Variants in CPLX3 observed in about 807,000 individuals in gnomAD.
The protein encoded by CPLX3 is complexin-3.
Under a neutral mutation model 17.2 loss-of-function variants are expected in CPLX3, and 12 were observed. The observed-to-expected ratio is 0.70, with a 90% CI of 0.45 to 1.13. The LOEUF is 1.13. CPLX3 is among the 50% of genes most tolerant of loss of function. The probability of loss-of-function intolerance (pLI) is 0.00; values close to 1 mark genes in which losing one functional copy is unlikely to be tolerated. For missense variants in CPLX3, 172 were observed against 203.2 expected, an observed-to-expected ratio of 0.85 and a Z score of 0.93; for synonymous variants, 75 against 79.4, an observed-to-expected ratio of 0.94 and a Z score of 0.29.
rs1465998989 is a variant in CPLX3 at position 74,826,825 on chromosome 15, G to A, written c.122G>A (p.Arg41Gln). The A allele has an allele frequency of 1.9e-6, 3 of 1,604,804 alleles. No homozygotes were observed. The highest frequency in any genetic ancestry group is 1.1e-5 in the South Asian group (1 of 90,378). The stretch of plus-strand genomic sequence containing the variant: ...GCAGCCGAAGCTCAGGGCATGAGCC[G>A]GGAGGAGTACGAGGAGTATCAGAAG... ...KSAAEAQGMS[R>Q]EEYEEYQKQL... The change falls in exon 1 of 3, where the codon CGG (arginine) becomes CAG (glutamine). Residue 41 changes from arginine (R) to glutamine (Q), a missense_variant. Arg to Gln is a conservative substitution (Grantham distance 43, BLOSUM62 1). Coordinates refer to ENST00000395018, the MANE Select transcript of CPLX3 (RefSeq NM_001030005.3). This position sits in a 1 kb window ranked among gnomAD's most constrained non-coding sequence, Gnocchi z 5.0.
rs146331818 is a variant in CPLX3, at chr15:74,829,168, C to T, written c.253-962C>T. 1.4e-3 allele frequency among the ~76,000 whole-genome samples: 212 copies of T among 152,274 alleles called. 1 individual carries two copies. The highest frequency in any genetic ancestry group is 4.8e-3 in the African/African-American group (199 of 41,540). ...ACGGGGAAAAACCGGTCCAGAAAGC[C>T]TGCCTCACTGCAAACTCTTCTAGGA... On this transcript the variant is annotated intron_variant, in intron 2 of 2. Coordinates refer to ENST00000395018, the MANE Select transcript of CPLX3 (RefSeq NM_001030005.3).
At chr15:74,829,990 C>G in intron 2 of CPLX3, 140 bp from the exon 3 acceptor site, 2 of 642,752 alleles carry the variant, frequency 3.1e-6, no homozygotes, top group Non-Finnish European at 5.3e-6. Flanking sequence ...AGGGAGACCT[C>G]GTCTCTACAA....
chr15:74,830,108 C>T, intron 2 of CPLX3, 22 bp from the exon 3 acceptor site: 1 of 1,601,964 alleles, frequency 6.2e-7, no homozygotes, highest in Non-Finnish European at 8.5e-7. Context: ...CACCCCACCC[C>T]CTCTTCCCCT....
At chr15:74,828,754 C>T (rs2063954895) in intron 2 of CPLX3, among the ~76,000 whole-genome samples, 1 of 152,176 alleles carries the variant, frequency 6.6e-6, no homozygotes, top group African/African-American at 2.4e-5. Context: ...TCCAGGGCCC[C>T]AGGCTGCTTT....
At chr15:74,828,177 C>A in intron 2 of CPLX3, 56 bp downstream of exon 2, 5 of 1,400,764 alleles carry the variant, frequency 3.6e-6, no homozygotes, top group Non-Finnish European at 5.0e-6. Flanking sequence ...GGGTTCTGGA[C>A]TCCTTCGCCC....
In CPLX3 at chr15:74,826,678, G is replaced by T. The variant is rs769358944; in HGVS notation, c.-26G>T. 4.4e-6 allele frequency: 7 copies of T among 1,594,560 alleles called. No individual in the cohort carries two copies. The highest frequency in any genetic ancestry group is 3.4e-5 in the Admixed American group (2 of 58,310). On this transcript the variant is annotated 5_prime_UTR_variant, in exon 1 of 3. Coordinates refer to ENST00000395018, the MANE Select transcript of CPLX3 (RefSeq NM_001030005.3). The surrounding 1 kb of genome is among the most constrained non-coding windows in gnomAD (Gnocchi z 5.0). Reference sequence around the variant, plus strand: ...CGGTGCCTGGCGCGTGGTAGCAGGCGCCCGGTGCCCCGGCCGGCGAAGACC... The same window carrying T: ...CGGTGCCTGGCGCGTGGTAGCAGGCTCCCGGTGCCCCGGCCGGCGAAGACC...
chr15:74,830,420 G>C lies in CPLX3; in HGVS notation c.*66G>C. The C allele has an allele frequency of 7.6e-7, 1 of 1,319,402 alleles. No individual in the cohort carries two copies. Among genetic ancestry groups the C allele is most frequent in the Non-Finnish European group, 1.1e-6 (1 of 939,536 alleles). 81.7% of individuals were successfully genotyped at this position (1,319,402 alleles called of 1,614,324 possible). A position where few individuals can be genotyped will look rare whatever the true frequency, so the allele number is the denominator to read the frequency against. On this transcript the variant is annotated 3_prime_UTR_variant, in exon 3 of 3. Coordinates refer to ENST00000395018, the MANE Select transcript of CPLX3 (RefSeq NM_001030005.3). The stretch of plus-strand genomic sequence containing the variant: ...GGGCTAAGAGTGTGTCAACTTCCAG[G>C]GACCCATACTCCATTTGGGGCTTTG...
At chr15:74,828,855 C>T (rs565597472) in intron 2 of CPLX3, among the ~76,000 whole-genome samples, 9 of 152,222 alleles carry the variant, frequency 5.9e-5, no homozygotes, top group South Asian at 2.1e-4. Context: ...CCTGCCCCCA[C>T]GCTCCCCTGG....
Position 74,826,671 on chromosome 15 carries a change from A to G in CPLX3, c.-33A>G, listed in dbSNP as rs891977910. On this transcript the variant is annotated 5_prime_UTR_variant, in exon 1 of 3. Transcript: ENST00000395018. This position sits in a 1 kb window ranked among gnomAD's most constrained non-coding sequence, Gnocchi z 5.0. ...ACGTGCCCGGTGCCTGGCGCGTGGT[A>G]GCAGGCGCCCGGTGCCCCGGCCGGC... 6.3e-7 allele frequency: 1 copy of G among 1,592,440 alleles called. No homozygotes were observed. Among genetic ancestry groups the G allele is most frequent in the African/African-American group, 1.4e-5 (1 of 72,694 alleles).
chr15:74,830,661 A>G lies in CPLX3; in HGVS notation c.*307A>G. The G allele has an allele frequency of 3.1e-6, 1 of 325,506 alleles. No homozygotes were observed. Among genetic ancestry groups the G allele is most frequent in the Non-Finnish European group, 5.8e-6 (1 of 171,170 alleles). 20.2% of individuals were successfully genotyped at this position (325,506 alleles called of 1,614,324 possible). On this transcript the variant is annotated 3_prime_UTR_variant, in exon 3 of 3. Coordinates refer to ENST00000395018, the MANE Select transcript of CPLX3 (RefSeq NM_001030005.3). ...CAAGTTCCTGCACACAGGAGCACCCACAGAGAGACACACACAGGACACAAA... is the reference window on the plus strand; with the variant it reads ...CAAGTTCCTGCACACAGGAGCACCCGCAGAGAGACACACACAGGACACAAA...
chr15:74,830,826 T>G lies in CPLX3; in HGVS notation c.*472T>G, dbSNP rs2063965913. On this transcript the variant is annotated 3_prime_UTR_variant, in exon 3 of 3. Transcript: ENST00000395018. ...TGAGAGAGAGCATGGGCAGACACCCTCAGCAGACAGGAGGCCTGAGTTCCA... is the reference window on the plus strand; with the variant it reads ...TGAGAGAGAGCATGGGCAGACACCCGCAGCAGACAGGAGGCCTGAGTTCCA... The G allele has an allele frequency of 6.4e-6, 1 of 157,100 alleles. No homozygotes were observed. The highest frequency in any genetic ancestry group is 6.2e-5 in the Admixed American group (1 of 16,200). The allele number at this position is 157,100 out of a possible 1,614,324, so 9.7% of individuals were successfully genotyped here.
chr15:74,827,733 T>C (rs1336751868), intron 1 of CPLX3, among the ~76,000 whole-genome samples: 1 of 152,130 alleles, frequency 6.6e-6, no homozygotes, highest in African/African-American at 2.4e-5. Flanking sequence ...ACATAGCTTG[T>C]CAGTGAGGGA....
rs374967692 is a variant in CPLX3, at chr15:74,830,364, C to T, written c.*10C>T. The T allele has an allele frequency of 3.7e-5, 60 of 1,604,652 alleles. No homozygotes were observed. The South Asian group carries it at 5.3e-4, about 14-fold the overall frequency. On this transcript the variant is annotated 3_prime_UTR_variant, in exon 3 of 3. Coordinates refer to ENST00000395018, the MANE Select transcript of CPLX3 (RefSeq NM_001030005.3). ...GTGTCACGTCATGTGACCACTTCCC[C>T]GGGGTTACCCACTGGGCTGGGCCCC...
At chr15:74,828,179 C>A in intron 2 of CPLX3, 58 bp downstream of exon 2, 4 of 1,398,438 alleles carry the variant, frequency 2.9e-6, no homozygotes, top group Non-Finnish European at 3.0e-6. Flanking sequence ...GTTCTGGACT[C>A]CTTCGCCCCA....
At chr15:74,827,749 A>G (rs112839086) in intron 1 of CPLX3, among the ~76,000 whole-genome samples, 1 of 152,232 alleles carries the variant, frequency 6.6e-6, no homozygotes, top group Non-Finnish European at 1.5e-5. Flanking sequence ...AGGGAACAGC[A>G]GACCAAGTTG....
intron 2 of CPLX3, 89 bp from the exon 3 acceptor site, chr15:74,830,040 AC>A: frequency 1.1e-6 from 1 of 918,418 alleles, no homozygotes; most frequent in Non-Finnish European, 1.7e-6. Context: ...GGGGCCTGGA[AC>A]CCAGTCCAAG....
At position 74,831,108 on chromosome 15, in the gene CPLX3, G is replaced by A. The variant is rs1171185130; in HGVS notation, c.*754G>A. 4 of 152,766 alleles carry A rather than the reference G, an allele frequency of 2.6e-5. No individual in the cohort carries two copies. The highest frequency in any genetic ancestry group is 6.5e-5 in the Admixed American group (1 of 15,298). The allele number at this position is 152,766 out of a possible 1,614,324, so 9.5% of individuals were successfully genotyped here. ...ATGAAGCTGGCACTGAACAGTAAGC[G>A]GCTCCAGGCCTCCTCTGGGCCCAGG... is the stretch of plus-strand genomic sequence containing the variant. On this transcript the variant is annotated 3_prime_UTR_variant, in exon 3 of 3. Coordinates refer to ENST00000395018, the MANE Select transcript of CPLX3 (RefSeq NM_001030005.3).
At chr15:74,830,033 GC>G in intron 2 of CPLX3, 96 bp from the exon 3 acceptor site, 2 of 834,714 alleles carry the variant, frequency 2.4e-6, no homozygotes, top group Non-Finnish European at 3.8e-6. Context: ...GAATCTAGGG[GC>G]CTGGAACCCA....
At position 74,831,149 on chromosome 15, in the gene CPLX3, G is replaced by C. The variant is rs1360936221; in HGVS notation, c.*795G>C. 6.6e-6 allele frequency: 1 copy of C among 152,664 alleles called. No homozygotes were observed. Among genetic ancestry groups the C allele is most frequent in the Non-Finnish European group, 1.5e-5 (1 of 68,050 alleles). The allele number at this position is 152,664 out of a possible 1,614,324, so 9.5% of individuals were successfully genotyped here. ...TGGGCCCAGGGCCCAGCCAATTTCT[G>C]TTCTGTTCCTGTAGAACGCTCTCTG... On this transcript the variant is annotated 3_prime_UTR_variant, in exon 3 of 3. Transcript: ENST00000395018.
Sources: allele counts gnomAD v4.1 joint callset (sites outside exome capture counted in the v4.1 genomes callset), GRCh38; gene constraint gnomAD v4.1.1; non-coding constraint Gnocchi (gnomAD v3.1); transcripts MANE v1.5; gene names NCBI Gene and HGNC (gene_info 2026-07-23, HGNC 2026-07-21).